OPCML: variants seen among roughly 807,000 people sequenced by gnomAD.
OPCML encodes opioid-binding protein/cell adhesion molecule.
Under a neutral mutation model 37.8 loss-of-function variants are expected in OPCML, and 13 were observed. The observed-to-expected ratio is 0.34, with a 90% CI of 0.22 to 0.55. The LOEUF is 0.55. Ranked by LOEUF, OPCML falls within the 20% of genes least tolerant of loss-of-function variation. OPCML has a pLI of 0.91. For synonymous variants in OPCML, 176 were observed against 168.8 expected (o/e 1.04, Z -0.33); for missense variants, 341 against 435.6 (o/e 0.78, Z 1.93).
intron 2 of OPCML, among the ~76,000 whole-genome samples, chr11:132,860,935 A>T (rs1202574149): frequency 6.6e-6 from 1 of 152,196 alleles, no homozygotes; most frequent in East Asian, 1.9e-4. Context: ...TTTTTGTAAC[A>T]AAAAAGATTT....
intron 2 of OPCML, among the ~76,000 whole-genome samples, chr11:132,702,659 TTCTC>T (rs1285889621): frequency 2.0e-5 from 3 of 152,156 alleles, no homozygotes; most frequent in African/African-American, 7.2e-5. Context: ...TATTTCCCCT[TTCTC>T]TTTCTTTGCT....
At chr11:132,727,083 C>G (rs1463619699) in intron 2 of OPCML, among the ~76,000 whole-genome samples, 1 of 152,178 alleles carries the variant, frequency 6.6e-6, no homozygotes, top group Non-Finnish European at 1.5e-5. Context: ...TTATCGGGGA[C>G]TCACTTGTGC....
chr11:133,146,963 G>A (rs1429842654), intron 1 of OPCML, among the ~76,000 whole-genome samples: 1 of 152,138 alleles, frequency 6.6e-6, no homozygotes, highest in Non-Finnish European at 1.5e-5. Flanking sequence ...AGAAGCCGTG[G>A]TGCCTTCCCC....
At chr11:132,780,955 A>G (rs531636488) in intron 2 of OPCML, among the ~76,000 whole-genome samples, 1 of 152,206 alleles carries the variant, frequency 6.6e-6, no homozygotes, top group African/African-American at 2.4e-5. Context: ...AATCATAGCA[A>G]TTTTCCCTAT....
intron 2 of OPCML, among the ~76,000 whole-genome samples, chr11:132,870,963 A>G (rs770114972): frequency 5.9e-5 from 9 of 152,182 alleles, no homozygotes; most frequent in Non-Finnish European, 7.3e-5. Context: ...CAGAAAGAAC[A>G]TATTCAAGAG....
intron 1 of OPCML, chr11:133,065,321 G>T (rs535489779): frequency 1.3e-5 from 2 of 152,206 alleles, no homozygotes; most frequent in Admixed American, 1.3e-4. Context: ...CTCCAGAAGG[G>T]GTGCCGATGA....
chr11:133,157,338 G>A (rs1950076734), intron 1 of OPCML, among the ~76,000 whole-genome samples: 1 of 152,190 alleles, frequency 6.6e-6, no homozygotes, highest in Admixed American at 6.5e-5. Context: ...CCAGGCAGCT[G>A]CAGTCGGAGC....
intron 1 of OPCML, among the ~76,000 whole-genome samples, chr11:133,263,766 C>T (rs764259269): frequency 2.6e-5 from 4 of 152,218 alleles, no homozygotes; most frequent in East Asian, 1.9e-4. Flanking sequence ...CAGACAGAGC[C>T]GCTCAAAAAG....
Position 132,416,718 on chromosome 11 carries a change from G to T in OPCML, c.*3475C>A, listed in dbSNP as rs560084360. 6.6e-6 allele frequency: 1 copy of T among 152,206 alleles called. No homozygotes were observed. The highest frequency in any genetic ancestry group is 2.4e-5 in the African/African-American group (1 of 41,414). The allele number at this position is 152,206 out of a possible 1,614,324, so 9.4% of individuals were successfully genotyped here. On this transcript the variant is annotated 3_prime_UTR_variant, in exon 8 of 8. Transcript: ENST00000524381. ...AACACCTTACCTTTTCTTCTGTTTC[G>T]TGGAGCACAGTTGCAGCAGAACAGC...
rs183726342 is a variant in OPCML, at chr11:132,955,367, C to G, written c.62-12357G>C. On this transcript the variant is annotated intron_variant, in intron 1 of 7. Transcript: ENST00000524381. The stretch of plus-strand genomic sequence containing the variant: ...GGTCAAAACACTTCCCTCTCTGGAC[C>G]CATTCAGATGCAGACCAACCAACCA... 3.1e-3 allele frequency among the ~76,000 whole-genome samples: 474 copies of G among 152,164 alleles called. 3 individuals carry two copies. Among genetic ancestry groups the G allele is most frequent in the Middle Eastern group, 6.8e-3 (2 of 294 alleles).
intron 1 of OPCML, among the ~76,000 whole-genome samples, chr11:133,328,066 G>A (rs1009304929): frequency 6.6e-6 from 1 of 151,962 alleles, no homozygotes. Flanking sequence ...GCTAAAAACT[G>A]AAAACTAGCT....
intron 2 of OPCML, among the ~76,000 whole-genome samples, chr11:132,781,153 C>T (rs1172350145): frequency 6.6e-6 from 1 of 152,094 alleles, no homozygotes; most frequent in Admixed American, 6.5e-5. Flanking sequence ...AATGAGGCCA[C>T]AGCGTGCCCA....
At chr11:133,076,708 G>A (rs1396236223) in intron 1 of OPCML, among the ~76,000 whole-genome samples, 2 of 151,008 alleles carry the variant, frequency 1.3e-5, no homozygotes, top group Non-Finnish European at 2.9e-5. Context: ...CCTCATCATT[G>A]TCATCATCAT....
intron 2 of OPCML, among the ~76,000 whole-genome samples, chr11:132,710,181 C>A (rs1944204539): frequency 6.6e-6 from 1 of 151,990 alleles, no homozygotes; most frequent in South Asian, 2.1e-4. Context: ...TCACGTAGAG[C>A]AAATTTAAGT....
intron 1 of OPCML, among the ~76,000 whole-genome samples, chr11:133,324,108 A>T (rs917566746): frequency 6.6e-6 from 1 of 152,154 alleles, no homozygotes; most frequent in African/African-American, 2.4e-5. Flanking sequence ...GCCAAGCAGA[A>T]GGGGGAAGAT....
chr11:132,770,831 G>T lies in OPCML; in HGVS notation c.147-113512C>A, dbSNP rs189436207. Among the ~76,000 whole-genome samples, 5 of 152,250 alleles carry T rather than the reference G, an allele frequency of 3.3e-5. No homozygotes were observed. In the East Asian group the frequency reaches 9.7e-4, roughly 30 times the overall value. On this transcript the variant is annotated intron_variant, in intron 2 of 7. Transcript: ENST00000524381. ...AATTGGAGAAGGGGGGACTCAGGGG[G>T]CCCAGTGACTGACGCAATAGGAAGC...
intron 7 of OPCML, chr11:132,435,133 G>A (rs777080254): frequency 1.6e-6 from 2 of 1,234,646 alleles, no homozygotes; most frequent in Non-Finnish European, 2.1e-6. Context: ...GGCAGGCAGA[G>A]GTAGGAAGGA....
intron 2 of OPCML, among the ~76,000 whole-genome samples, chr11:132,930,131 A>C (rs1945149126): frequency 6.6e-6 from 1 of 152,146 alleles, no homozygotes; most frequent in African/African-American, 2.4e-5. Flanking sequence ...TGGGATCCCA[A>C]AGCAGGCAGA....
In OPCML at chr11:133,141,044, ACGAC is replaced by A. The variant is rs1949808961; in HGVS notation, c.62-198038_62-198035del. Reference sequence around the variant, plus strand: ...GACGACGACGACGACGACGACGACGACGACGAAGAAGAAGAAGAAGAAGAAGAAG... The same window carrying A: ...GACGACGACGACGACGACGACGACGAGAAGAAGAAGAAGAAGAAGAAGAAG... On this transcript the variant is annotated intron_variant, in intron 1 of 7. Coordinates refer to ENST00000524381, the MANE Select transcript of OPCML (RefSeq NM_001012393.5). 9.4e-5 allele frequency among the ~76,000 whole-genome samples: 3 copies of A among 32,000 alleles called. 1 individual carries two copies. Among genetic ancestry groups the A allele is most frequent in the Non-Finnish European group, 2.1e-4 (2 of 9,634 alleles). 21.0% of individuals were successfully genotyped at this position (32,000 alleles called of 152,430 possible).
Sources: gnomAD v4.1 joint callset for allele counts (sites outside exome capture counted in the v4.1 genomes callset) on GRCh38, gnomAD v4.1.1 for gene constraint, MANE v1.5 for transcripts, NCBI Gene and HGNC (gene_info 2026-07-23, HGNC 2026-07-21) for gene names.